CRISP2: variants seen among roughly 807,000 people sequenced by gnomAD.
CRISP2 encodes cysteine-rich secretory protein 2.
Under a neutral mutation model 31.7 loss-of-function variants are expected in CRISP2, and 29 were observed. That is an observed-to-expected ratio of 0.92 (90% confidence interval 0.68 to 1.25). The LOEUF (loss-of-function observed/expected upper bound fraction) is 1.25, where lower values mean the gene tolerates loss of function less well. CRISP2 is among the 50% of genes most tolerant of loss of function. The probability of loss-of-function intolerance (pLI) is 0.00; values close to 1 mark genes in which losing one functional copy is unlikely to be tolerated. For missense variants in CRISP2, 318 were observed against 286.5 expected (o/e 1.11, Z -0.79); for synonymous variants, 111 against 101.4 (o/e 1.09, Z -0.57).
At chr6:49,685,401 C>T in the CRISP2 span, among the ~76,000 whole-genome samples, 2 of 152,284 alleles carry the variant, frequency 1.3e-5, no homozygotes, top group South Asian at 4.1e-4. Context: ...CAGGGACTCA[C>T]TTTGTTCACT....
At chr6:49,693,984 C>T (rs1764324273) in intron 9 of CRISP2, among the ~76,000 whole-genome samples, 1 of 152,154 alleles carries the variant, frequency 6.6e-6, no homozygotes, top group Non-Finnish European at 1.5e-5. Context: ...CCTGAATGTT[C>T]TTGAAACTTG....
chr6:49,692,503 C>T lies in CRISP2; in HGVS notation c.*270G>A. 3.8e-6 allele frequency: 1 copy of T among 264,216 alleles called. No individual in the cohort carries two copies. The highest frequency in any genetic ancestry group is 6.8e-5 in the East Asian group (1 of 14,698). 16.4% of individuals were successfully genotyped at this position (264,216 alleles called of 1,614,324 possible). The stretch of plus-strand genomic sequence containing the variant: ...GATCCAAAGTCCTAGTGACCTAAAT[C>T]CTATGGTTATACAGTTTTCAAAATC... On this transcript the variant is annotated 3_prime_UTR_variant, in exon 10 of 10. Coordinates refer to ENST00000339139, the MANE Select transcript of CRISP2 (RefSeq NM_003296.4).
Position 49,700,779 on chromosome 6 carries a change from G to C in CRISP2, c.72C>G (p.Pro24=). ...GGGTGGTTAACAAAGCAGTAAAAGC[G>C]GGATCCTAAAAGAAAATAAAATTGG... ...LPSLPAEGKD[P]AFTALLTTQL... The change falls in exon 5 of 10, where the codon CCC becomes CCG. Residue 24 remains proline, a synonymous_variant. Transcript: ENST00000339139. 1.3e-6 allele frequency: 2 copies of C among 1,590,508 alleles called. No homozygotes were observed. The highest frequency in any genetic ancestry group is 1.7e-6 in the Non-Finnish European group (2 of 1,160,872).
intron 9 of CRISP2, 118 bp downstream of exon 9, chr6:49,695,718 G>A (rs1019909926): frequency 2.6e-5 from 22 of 838,878 alleles, no homozygotes; most frequent in Non-Finnish European, 3.8e-5. Context: ...ATAATTTTGG[G>A]TTTTTTCACC....
chr6:49,690,527 G>A (rs1764017274), downstream of CRISP2, among the ~76,000 whole-genome samples: 1 of 152,062 alleles, frequency 6.6e-6, no homozygotes, highest in Admixed American at 6.6e-5. Flanking sequence ...GAGCATGAAT[G>A]TAGAAGGAAA....
chr6:49,683,718 T>TAG, the CRISP2 span, among the ~76,000 whole-genome samples: 1 of 110,734 alleles, frequency 9.0e-6, no homozygotes, highest in African/African-American at 3.3e-5. Context: ...TATATATATA[T>TAG]ATATAGAAGT....
chr6:49,700,350 T>C (rs1469932279), intron 5 of CRISP2, among the ~76,000 whole-genome samples: 1 of 152,088 alleles, frequency 6.6e-6, no homozygotes, highest in Non-Finnish European at 1.5e-5. Context: ...CTGACACATA[T>C]CCTGAAGGAA....
the CRISP2 span, among the ~76,000 whole-genome samples, chr6:49,683,685 A>T: frequency 9.0e-5 from 4 of 44,634 alleles, no homozygotes; most frequent in Admixed American, 3.4e-4. Context: ...AAAAAAAAAA[A>T]AAAAAAAAAA....
At chr6:49,708,833 T>C (rs745648957) in intron 4 of CRISP2, among the ~76,000 whole-genome samples, 2 of 152,250 alleles carry the variant, frequency 1.3e-5, no homozygotes. Context: ...CCTTCTTTCT[T>C]TGTTCTAAAT....
chr6:49,687,715 T>TA (rs1307466012), downstream of CRISP2, among the ~76,000 whole-genome samples: 1 of 152,154 alleles, frequency 6.6e-6, no homozygotes, highest in Non-Finnish European at 1.5e-5. Context: ...ATGAGACTGT[T>TA]AGAGATTTCC....
In CRISP2 at chr6:49,698,372, T is replaced by C. The variant is rs1301440109; in HGVS notation, c.407A>G (p.His136Arg). The change falls in exon 7 of 10, where the codon CAT becomes CGT. Residue 136 changes from histidine (H) to arginine (R), a missense_variant. By Grantham distance (29) the His-to-Arg change is conservative. Transcript: ENST00000339139. ...GPKSPNAVVG[H>R]YTQLVWYSTY... ...ATGCATTCTTCTTACCTGAGTATAATGTCCAACAACTGCATTGGGACTCTT... is the reference window on the plus strand; with the variant it reads ...ATGCATTCTTCTTACCTGAGTATAACGTCCAACAACTGCATTGGGACTCTT... The C allele has an allele frequency of 5.6e-6, 9 of 1,612,968 alleles. No homozygotes were observed. The South Asian group carries it at 8.8e-5, about 16-fold the overall frequency.
downstream of CRISP2, among the ~76,000 whole-genome samples, chr6:49,687,710 A>G (rs1763927819): frequency 6.6e-6 from 1 of 152,168 alleles, no homozygotes; most frequent in Admixed American, 6.5e-5. Flanking sequence ...CAGACATGAG[A>G]CTGTTAGAGA....
chr6:49,679,596 C>T, the CRISP2 span, among the ~76,000 whole-genome samples: 2 of 152,206 alleles, frequency 1.3e-5, no homozygotes, highest in African/African-American at 4.8e-5. Flanking sequence ...TGTCTGCCTT[C>T]CATATTCCAT....
At chr6:49,681,834 T>C in the CRISP2 span, among the ~76,000 whole-genome samples, 1 of 151,376 alleles carries the variant, frequency 6.6e-6, no homozygotes, top group African/African-American at 2.4e-5. Context: ...AGCTTCAAGA[T>C]TTTTTTTTGC....
At chr6:49,682,321 C>T in the CRISP2 span, among the ~76,000 whole-genome samples, 7 of 152,134 alleles carry the variant, frequency 4.6e-5, no homozygotes, top group African/African-American at 1.4e-4. Context: ...TAAATCCCTC[C>T]TTATATATTC....
At chr6:49,686,970 G>GT in the CRISP2 span, among the ~76,000 whole-genome samples, 36 of 151,758 alleles carry the variant, frequency 2.4e-4, no homozygotes, top group African/African-American at 8.0e-4. Context: ...ACCAAACACC[G>GT]TATGTTCTCA....
intron 4 of CRISP2, among the ~76,000 whole-genome samples, chr6:49,707,366 A>T (rs1201600405): frequency 6.6e-6 from 1 of 152,210 alleles, no homozygotes; most frequent in East Asian, 1.9e-4. Flanking sequence ...TGGGGTTCTG[A>T]AAGATGAACA....
rs780653237 is a variant in CRISP2 at position 49,692,883 on chromosome 6, G to A, written c.622C>T (p.Gln208Ter). Residue 208 changes from glutamine to a stop codon, truncating the protein, a stop_gained, in exon 10 of 10, where the codon CAA becomes TAA. Coordinates refer to ENST00000339139, the MANE Select transcript of CRISP2 (RefSeq NM_003296.4). LOFTEE classifies it low-confidence loss of function (END_TRUNC). The part of the protein sequence containing the change: ...KGLCTNSCQY[Q>*]DLLSNCDSLK... ...GAATCACAGTTACTTAGGAGATCTT[G>A]ATACTGGCAACTATTGGCTGTAACA... 6.2e-7 allele frequency: 1 copy of A among 1,613,554 alleles called. No individual in the cohort carries two copies. Among genetic ancestry groups the A allele is most frequent in the Non-Finnish European group, 8.5e-7 (1 of 1,179,604 alleles).
chr6:49,692,958 A>G, intron 9 of CRISP2, 58 bp from the exon 10 acceptor site: 2 of 1,588,964 alleles, frequency 1.3e-6, no homozygotes, highest in Non-Finnish European at 1.7e-6. Context: ...GAGCAAAACC[A>G]TACATTCAAA....
Sources: allele counts gnomAD v4.1 joint callset (sites outside exome capture counted in the v4.1 genomes callset), GRCh38; gene constraint gnomAD v4.1.1; transcripts MANE v1.5; gene names NCBI Gene and HGNC (gene_info 2026-07-23, HGNC 2026-07-21).